DAB2IP: variants seen among roughly 807,000 people sequenced by gnomAD.
The protein encoded by DAB2IP is DAB2 interacting protein, also known as disabled homolog 2-interacting protein.
Under a neutral mutation model 107.2 loss-of-function variants are expected in DAB2IP, and 28 were observed. The ratio of observed to expected loss-of-function variants is 0.26; its 90% CI spans 0.19 to 0.36. The LOEUF is 0.36. Ranked by LOEUF, DAB2IP falls within the 10% of genes least tolerant of loss-of-function variation. DAB2IP has a pLI of 1.00. For synonymous variants in DAB2IP, 755 were observed against 706.4 expected, an observed-to-expected ratio of 1.07 and a Z score of -1.09; for missense variants, 1,400 against 1,644.7, an observed-to-expected ratio of 0.85 and a Z score of 2.57.
At chr9:121,641,141 T>C (rs746931014) in intron 1 of DAB2IP, among the ~76,000 whole-genome samples, 1 of 152,222 alleles carries the variant, frequency 6.6e-6, no homozygotes, top group Admixed American at 6.5e-5. Flanking sequence ...CCAAACTTTC[T>C]GCTACTTCCT....
intron 3 of DAB2IP, among the ~76,000 whole-genome samples, chr9:121,742,547 C>T (rs1411340371): frequency 6.6e-6 from 1 of 152,364 alleles, no homozygotes; most frequent in Middle Eastern, 3.4e-3. Context: ...ACAGTCCAGT[C>T]TCTCTTCCCT....
In DAB2IP at chr9:121,777,154, T is replaced by C. The variant is rs79536849; in HGVS notation, c.3314+763T>C. On this transcript the variant is annotated intron_variant, in intron 14 of 15. Coordinates refer to ENST00000408936, the Ensembl canonical transcript of DAB2IP. ...CCCAGTCGTGGAGTTTACTTCCTTCTCAGTAATACCAGGCACGGGAGGAGA... is the reference window on the plus strand; with the variant it reads ...CCCAGTCGTGGAGTTTACTTCCTTCCCAGTAATACCAGGCACGGGAGGAGA... Among the ~76,000 whole-genome samples the C allele has an allele frequency of 5.0e-3, 763 of 152,240 alleles. 8 individuals carry two copies. The highest frequency in any genetic ancestry group is 0.017 in the African/African-American group (726 of 41,530).
chr9:121,616,699 T>A (rs1247356962), intron 1 of DAB2IP, among the ~76,000 whole-genome samples: 1 of 152,242 alleles, frequency 6.6e-6, no homozygotes, highest in African/African-American at 2.4e-5. Flanking sequence ...TCTGATGGGC[T>A]TGATCACTCT....
intron 1 of DAB2IP, among the ~76,000 whole-genome samples, chr9:121,631,460 G>A (rs932244210): frequency 6.6e-6 from 1 of 152,162 alleles, no homozygotes; most frequent in Non-Finnish European, 1.5e-5. Context: ...GGAGGAGCAG[G>A]GTTCAACTGG....
At chr9:121,766,838 C>G (rs1834322134) in intron 9 of DAB2IP, 108 bp downstream of exon 9, 3 of 1,129,072 alleles carry the variant, frequency 2.7e-6, no homozygotes, top group Admixed American at 4.0e-5. Context: ...TAAACAGGCC[C>G]TGGTTTTGTC....
At position 121,698,931 on chromosome 9, in the gene DAB2IP, G is replaced by A. The variant is rs1226497626; in HGVS notation, c.229-394G>A. The stretch of plus-strand genomic sequence containing the variant: ...TCGGAGGCGGCAGGGAGGTGAGCGG[G>A]GCGGCCGGCCCTGGCGGTCCCCGGG... On this transcript the variant is annotated intron_variant, in intron 2 of 15. Coordinates refer to ENST00000408936, the Ensembl canonical transcript of DAB2IP. This position sits in a 1 kb window ranked among gnomAD's most constrained non-coding sequence, Gnocchi z 4.1. Among the ~76,000 whole-genome samples the A allele has an allele frequency of 6.6e-6, 1 of 151,948 alleles. No individual in the cohort carries two copies. Among genetic ancestry groups the A allele is most frequent in the South Asian group, 2.1e-4 (1 of 4,836 alleles).
chr9:121,639,800 A>C (rs1832215487), intron 1 of DAB2IP, among the ~76,000 whole-genome samples: 1 of 152,130 alleles, frequency 6.6e-6, no homozygotes, highest in Admixed American at 6.5e-5. Flanking sequence ...CCTGAGAGAG[A>C]GCAACAGGTG....
intron 1 of DAB2IP, among the ~76,000 whole-genome samples, chr9:121,581,991 A>C (rs1830203502): frequency 6.6e-6 from 1 of 152,142 alleles, no homozygotes; most frequent in South Asian, 2.1e-4. Context: ...CGGCTGGAAC[A>C]AAAGAGCTTG....
chr9:121,662,869 A>T lies in DAB2IP; in HGVS notation c.124+10970A>T, dbSNP rs1833264304. The stretch of plus-strand genomic sequence containing the variant: ...TCCTGAACTCCAGCAGCACAGAGTA[A>T]ATGCCAGCTCTCTGCCAGCCCTGGA... On this transcript the variant is annotated intron_variant, in intron 1 of 15. Transcript: ENST00000408936. The surrounding 1 kb of genome is among the most constrained non-coding windows in gnomAD (Gnocchi z 4.6). Among the ~76,000 whole-genome samples the T allele has an allele frequency of 6.6e-6, 1 of 152,190 alleles. No homozygotes were observed. Among genetic ancestry groups the T allele is most frequent in the South Asian group, 2.1e-4 (1 of 4,828 alleles).
In DAB2IP at chr9:121,651,974, G is replaced by C; in HGVS notation, c.124+75G>C. ...GCCACCTGATGCCCTGGGATGCTAG[G>C]GACCGGGATCCTCCTTCCAGCCATT... is the stretch of plus-strand genomic sequence containing the variant. On this transcript the variant is annotated intron_variant, in intron 1 of 15. Transcript: ENST00000408936. The surrounding 1 kb of genome is among the most constrained non-coding windows in gnomAD (Gnocchi z 5.1). The C allele has an allele frequency of 8.4e-7, 1 of 1,189,622 alleles. No individual in the cohort carries two copies. Among genetic ancestry groups the C allele is most frequent in the Non-Finnish European group, 1.1e-6 (1 of 945,178 alleles). 73.7% of individuals were successfully genotyped at this position (1,189,622 alleles called of 1,614,324 possible). A position where few individuals can be genotyped will look rare whatever the true frequency, so the allele number is the denominator to read the frequency against.
intron 3 of DAB2IP, among the ~76,000 whole-genome samples, chr9:121,749,073 T>C (rs1336067535): frequency 1.3e-5 from 2 of 152,162 alleles, no homozygotes; most frequent in Non-Finnish European, 2.9e-5. Flanking sequence ...TTTCTGCCTT[T>C]TTAGGACAGG....
At chr9:121,745,856 TG>T (rs1398577325) in intron 3 of DAB2IP, among the ~76,000 whole-genome samples, 5 of 152,286 alleles carry the variant, frequency 3.3e-5, no homozygotes, top group African/African-American at 1.2e-4. Flanking sequence ...CTGTCCCAAA[TG>T]GTGGCTGGAA....
intron 1 of DAB2IP, among the ~76,000 whole-genome samples, chr9:121,584,966 A>G (rs1830280677): frequency 6.6e-6 from 1 of 152,122 alleles, no homozygotes; most frequent in Admixed American, 6.6e-5. Context: ...ATTCACAGGC[A>G]CGATCCTAGC....
rs1831959132 is a variant in DAB2IP, at chr9:121,633,245, G to A, written c.41-45433G>A. ...TACAATAAACGCAGCTTCTAAATTG[G>A]GTCAGGGAAGCCTTCGAGGCCCAGA... On this transcript the variant is annotated intron_variant, in intron 1 of 16. Coordinates refer to the DAB2IP transcript ENST00000259371. The surrounding 1 kb of genome is among the most constrained non-coding windows in gnomAD (Gnocchi z 5.1). 6.6e-6 allele frequency among the ~76,000 whole-genome samples: 1 copy of A among 152,092 alleles called. No individual in the cohort carries two copies. Among genetic ancestry groups the A allele is most frequent in the African/African-American group, 2.4e-5 (1 of 41,418 alleles).
At chr9:121,624,801 CACACAACTGT>C (rs1224233828) in intron 1 of DAB2IP, among the ~76,000 whole-genome samples, 13 of 152,342 alleles carry the variant, frequency 8.5e-5, no homozygotes, top group Admixed American at 2.0e-4. Context: ...CATTATGTAA[CACACAACTGT>C]ACCTACCTTC....
rs1410159215 is a variant in DAB2IP at position 121,701,561 on chromosome 9, G to A, written c.362+2103G>A. Reference sequence around the variant, plus strand: ...AGCCTAGATTTCCCATGGACAGGCAGAAAGACTGGGTTTGAAATCTCTCTA... The same window carrying A: ...AGCCTAGATTTCCCATGGACAGGCAAAAAGACTGGGTTTGAAATCTCTCTA... On this transcript the variant is annotated intron_variant, in intron 3 of 15. Transcript: ENST00000408936. This position sits in a 1 kb window ranked among gnomAD's most constrained non-coding sequence, Gnocchi z 4.7. Among the ~76,000 whole-genome samples, 1 of 152,194 alleles carries A rather than the reference G, an allele frequency of 6.6e-6. No homozygotes were observed. The highest frequency in any genetic ancestry group is 2.4e-5 in the African/African-American group (1 of 41,450).
At position 121,628,266 on chromosome 9, in the gene DAB2IP, C is replaced by T. The variant is rs774646999; in HGVS notation, c.41-50412C>T. On this transcript the variant is annotated intron_variant, in intron 1 of 16. Coordinates refer to the DAB2IP transcript ENST00000259371. ...GGCTGTGATGTGATTCCTAGCCCCCCTTAGTCATCCTAGCAGACTGGATTA... is the reference window on the plus strand; with the variant it reads ...GGCTGTGATGTGATTCCTAGCCCCCTTTAGTCATCCTAGCAGACTGGATTA... Among the ~76,000 whole-genome samples the T allele has an allele frequency of 5.3e-5, 8 of 152,306 alleles. No individual in the cohort carries two copies. The South Asian group carries it at 1.7e-3, about 32-fold the overall frequency.
rs989896488 is a variant in DAB2IP at position 121,760,644 on chromosome 9, G to C, written c.1170+205G>C. Among the ~76,000 whole-genome samples the C allele has an allele frequency of 6.6e-6, 1 of 152,164 alleles. No individual in the cohort carries two copies. The highest frequency in any genetic ancestry group is 2.4e-5 in the African/African-American group (1 of 41,446). On this transcript the variant is annotated intron_variant, in intron 6 of 15. Transcript: ENST00000408936. This position sits in a 1 kb window ranked among gnomAD's most constrained non-coding sequence, Gnocchi z 5.9. ...TGGCTGGAGCTGATCACTGAGGCCT[G>C]TGTGGAGCCAGTGGATGGGATTGCA...
chr9:121,700,721 A>G (rs1217793498), intron 3 of DAB2IP, among the ~76,000 whole-genome samples: 1 of 152,188 alleles, frequency 6.6e-6, no homozygotes, highest in East Asian at 1.9e-4. Context: ...ACCTCCCAGT[A>G]GAATGGCTAG....
Sources: gnomAD v4.1 joint callset for allele counts (sites outside exome capture counted in the v4.1 genomes callset) on GRCh38, gnomAD v4.1.1 for gene constraint, Gnocchi (gnomAD v3.1) non-coding constraint, MANE v1.5 for transcripts, NCBI Gene and HGNC (gene_info 2026-07-23, HGNC 2026-07-21) for gene names.